Variants in RREB1 observed in about 807,000 individuals in gnomAD.
The protein encoded by RREB1 is ras responsive element binding protein 1.
Under a neutral mutation model 117.8 loss-of-function variants are expected in RREB1, and 27 were observed. The observed-to-expected ratio is 0.23, with a 90% CI of 0.17 to 0.32. RREB1 has a LOEUF of 0.32. RREB1 is among the 10% of genes least tolerant of loss of function. RREB1 has a pLI of 1.00. For missense variants in RREB1, 2,577 were observed against 2,378.2 expected (o/e 1.08, Z -1.74); for synonymous variants, 1,298 against 1,026.7 (o/e 1.26, Z -5.05).
intron 1 of RREB1, among the ~76,000 whole-genome samples, chr6:7,127,107 C>T (rs1221711397): frequency 1.3e-5 from 2 of 151,578 alleles, no homozygotes; most frequent in Non-Finnish European, 1.5e-5. Flanking sequence ...TGGAATGTGA[C>T]TAGAGGATAG....
At chr6:7,139,080 C>G (rs1053514350) in intron 1 of RREB1, among the ~76,000 whole-genome samples, 2 of 152,150 alleles carry the variant, frequency 1.3e-5, no homozygotes, top group Non-Finnish European at 2.9e-5. Flanking sequence ...CCTGTAAGGC[C>G]CAGAATTGCT....
rs1386567420 is a variant in RREB1 at position 7,250,999 on chromosome 6, ATTG to A, written c.*2037_*2039del. ...TATTATTATTATTATTACAGTTGTT[ATTG>A]TTGTTTTTGTTGTTATTATTATTTG... On this transcript the variant is annotated 3_prime_UTR_variant, in exon 13 of 13. Coordinates refer to ENST00000379938, the MANE Select transcript of RREB1 (RefSeq NM_001003699.4). 2.0e-5 allele frequency: 3 copies of A among 151,466 alleles called. No individual in the cohort carries two copies. Among genetic ancestry groups the A allele is most frequent in the Admixed American group, 2.0e-4 (3 of 15,182 alleles). The allele number at this position is 151,466 out of a possible 1,614,324, so 9.4% of individuals were successfully genotyped here.
intron 6 of RREB1, among the ~76,000 whole-genome samples, chr6:7,209,441 A>G (rs1056711097): frequency 6.6e-6 from 1 of 152,212 alleles, no homozygotes; most frequent in African/African-American, 2.4e-5. Flanking sequence ...GGTGTCCTCA[A>G]ATCATAATCA....
At chr6:7,200,283 T>TGTG (rs1491275718) in intron 6 of RREB1, among the ~76,000 whole-genome samples, 40 of 93,938 alleles carry the variant, frequency 4.3e-4, no homozygotes, top group Middle Eastern at 4.6e-3. Context: ...TGTGTGTGTA[T>TGTG]TTTTTTTTTT....
intron 6 of RREB1, among the ~76,000 whole-genome samples, chr6:7,209,572 C>CTT (rs397961662): frequency 5.3e-4 from 69 of 129,304 alleles, no homozygotes; most frequent in African/African-American, 7.5e-4. Flanking sequence ...TATTTCTTTC[C>CTT]TTTTTTTTTT....
chr6:7,141,275 C>A (rs1762573064), intron 1 of RREB1, among the ~76,000 whole-genome samples: 1 of 152,172 alleles, frequency 6.6e-6, no homozygotes, highest in Non-Finnish European at 1.5e-5. Context: ...GCTGGCGTTC[C>A]CCCGTGAGTA....
chr6:7,195,368 T>C (rs956486692), intron 6 of RREB1, among the ~76,000 whole-genome samples: 5 of 152,130 alleles, frequency 3.3e-5, no homozygotes, highest in African/African-American at 1.2e-4. Flanking sequence ...ATTATAAAAA[T>C]GTGAGAACAC....
Position 7,181,903 on chromosome 6 carries a change from C to T in RREB1, c.-9C>T, listed in dbSNP as rs1369256889. On this transcript the variant is annotated 5_prime_UTR_variant, in exon 4 of 13. Coordinates refer to ENST00000379938, the MANE Select transcript of RREB1 (RefSeq NM_001003699.4). ...CAGAGGCTTCTTAGAAGCTTAAACC[C>T]CTGTCCCAATGACGTCAAGTTCGCC... is the stretch of plus-strand genomic sequence containing the variant. 2 of 1,614,200 alleles carry T rather than the reference C, an allele frequency of 1.2e-6. No individual in the cohort carries two copies. Among genetic ancestry groups the T allele is most frequent in the East Asian group, 2.2e-5 (1 of 44,884 alleles).
chr6:7,229,965 A>T lies in RREB1; in HGVS notation c.1866A>T (p.Glu622Asp), dbSNP rs1269891458. 2.5e-6 allele frequency: 4 copies of T among 1,604,012 alleles called. No homozygotes were observed. The highest frequency in any genetic ancestry group is 3.4e-6 in the Non-Finnish European group (4 of 1,173,058). ...AKIKQEITEG[E>D]LKAFMTAPGG... ...TCAAGCAGGAGATCACAGAGGGGGA[A>T]CTCAAGGCCTTCATGACAGCGCCCG... The change falls in exon 10 of 13, where the codon GAA (glutamate) becomes GAT (aspartate). Residue 622 changes from glutamate (E) to aspartate (D), a missense_variant. Glu to Asp is a conservative substitution (Grantham distance 45). Transcript: ENST00000379938. The surrounding 1 kb of genome is among the most constrained non-coding windows in gnomAD (Gnocchi z 4.5).
At chr6:7,186,713 T>C (rs994754420) in intron 4 of RREB1, among the ~76,000 whole-genome samples, 6 of 152,218 alleles carry the variant, frequency 3.9e-5, no homozygotes, top group African/African-American at 1.4e-4. Flanking sequence ...CTGCTTGACC[T>C]GTGCATTCTG....
At chr6:7,136,757 T>C (rs926308503) in intron 1 of RREB1, among the ~76,000 whole-genome samples, 2 of 152,254 alleles carry the variant, frequency 1.3e-5, no homozygotes, top group African/African-American at 4.8e-5. Flanking sequence ...TAAATATCTT[T>C]ATTCAGGATG....
At chr6:7,133,088 A>AT (rs1561735341) in intron 1 of RREB1, among the ~76,000 whole-genome samples, 2 of 152,172 alleles carry the variant, frequency 1.3e-5, no homozygotes, top group Non-Finnish European at 2.9e-5. Flanking sequence ...TGATATTTGC[A>AT]TTTTCCCTGT....
intron 1 of RREB1, among the ~76,000 whole-genome samples, chr6:7,153,301 C>T (rs953298608): frequency 6.6e-6 from 1 of 151,604 alleles, no homozygotes; most frequent in Non-Finnish European, 1.5e-5. Context: ...TCACTTTCTC[C>T]TGTTTTGGCA....
chr6:7,246,833 C>T lies in RREB1; in HGVS notation c.4383C>T (p.Gly1461=). Residue 1461 remains glycine, a synonymous_variant, in exon 12 of 13, where the codon GGC becomes GGT. Transcript: ENST00000379938. ...DTCGKSFKFL[G]TLSRHRKAHG... The stretch of plus-strand genomic sequence containing the variant: ...GTGGGAAGAGCTTCAAGTTCCTGGG[C>T]ACCCTGAGCCGCCACCGGAAGGCGC... The T allele has an allele frequency of 6.4e-7, 1 of 1,553,248 alleles. No individual in the cohort carries two copies. The highest frequency in any genetic ancestry group is 2.4e-5 in the East Asian group (1 of 41,318).
In RREB1 at chr6:7,112,558, G is replaced by C. The variant is rs142406083; in HGVS notation, c.-285+4498G>C. Among the ~76,000 whole-genome samples, 912 of 152,284 alleles carry C rather than the reference G, an allele frequency of 6.0e-3. 12 individuals are homozygous for C. Among genetic ancestry groups the C allele is most frequent in the African/African-American group, 0.02 (842 of 41,546 alleles). ...CAAGGGTCAGACAGTGATTTCCACAGGGGGGTGAGGGTTGCAGGGTTGCAG... is the reference window on the plus strand; with the variant it reads ...CAAGGGTCAGACAGTGATTTCCACACGGGGGTGAGGGTTGCAGGGTTGCAG... On this transcript the variant is annotated intron_variant, in intron 1 of 12. Coordinates refer to ENST00000379938, the MANE Select transcript of RREB1 (RefSeq NM_001003699.4).
rs4053178 is a variant in RREB1 at position 7,249,062 on chromosome 6, TGAGAGA to T, written c.*131_*136del. On this transcript the variant is annotated 3_prime_UTR_variant, in exon 13 of 13. Coordinates refer to ENST00000379938, the MANE Select transcript of RREB1 (RefSeq NM_001003699.4). ...TCAGTGCCCTTTGGCTGTTGAGGAG[TGAGAGA>T]GAGAGAGAGAGAGAGAGAGAGAGAG... The T allele has an allele frequency of 0.29, 163,536 of 559,848 alleles. 9,587 individuals carry two copies. The highest frequency in any genetic ancestry group is 0.4 in the African/African-American group (19,734 of 49,346). 34.7% of individuals were successfully genotyped at this position (559,848 alleles called of 1,614,324 possible). A position where few individuals can be genotyped will look rare whatever the true frequency, so the allele number is the denominator to read the frequency against.
At chr6:7,142,842 T>C (rs1285884) in intron 1 of RREB1, among the ~76,000 whole-genome samples, 20,543 of 152,232 alleles carry the variant, frequency 0.13, 1,518 homozygotes, top group African/African-American at 0.19. Flanking sequence ...CGCTTTTCTC[T>C]TAATAGTGAT....
intron 1 of RREB1, among the ~76,000 whole-genome samples, chr6:7,133,114 A>C (rs575952160): frequency 1.3e-5 from 2 of 152,300 alleles, no homozygotes; most frequent in South Asian, 4.1e-4. Context: ...ATCGTAGAGC[A>C]TTGCACTGGA....
intron 1 of RREB1, among the ~76,000 whole-genome samples, chr6:7,163,727 T>C (rs1763783666): frequency 6.6e-6 from 1 of 152,194 alleles, no homozygotes; most frequent in East Asian, 1.9e-4. Flanking sequence ...TGGCAGAGCA[T>C]GAAATTGAGT....
Sources: allele counts gnomAD v4.1 joint callset (sites outside exome capture counted in the v4.1 genomes callset), GRCh38; gene constraint gnomAD v4.1.1; non-coding constraint Gnocchi (gnomAD v3.1); transcripts MANE v1.5; gene names NCBI Gene and HGNC (gene_info 2026-07-23, HGNC 2026-07-21).